Variants in DMD observed in about 807,000 individuals in gnomAD.
DMD encodes mutant dystrophin.
DMD carries 63 observed loss-of-function variants against 330.1 expected under a neutral mutation model. That is an observed-to-expected ratio of 0.19 (90% CI 0.16 to 0.24). The LOEUF is 0.24. Ranked by LOEUF, DMD falls within the 10% of genes least tolerant of loss-of-function variation. The pLI is 1.00. For synonymous variants in DMD, 1,223 were observed against 959.8 expected (o/e 1.27, Z -5.07); for missense variants, 3,344 against 2,684.1 (o/e 1.25, Z -5.43).
chrX:33,278,510 T>C (rs967401400), intron 1 of DMD, among the ~76,000 whole-genome samples: 1 of 111,878 alleles, frequency 8.9e-6, no homozygotes, highest in Non-Finnish European at 1.9e-5. Context: ...AAGGATATGA[T>C]TTTTTTCTTT....
chrX:32,457,083 A>G (rs749483514), intron 25 of DMD, among the ~76,000 whole-genome samples: 23 of 108,935 alleles, frequency 2.1e-4, no homozygotes, highest in African/African-American at 7.3e-4. Context: ...GAGTCCACAG[A>G]CTGAGCCCTG....
intron 15 of DMD, among the ~76,000 whole-genome samples, chrX:32,566,934 G>A (rs770022818): frequency 1.9e-4 from 21 of 111,830 alleles, no homozygotes; most frequent in Middle Eastern, 4.6e-3. Context: ...AAACTAAATC[G>A]CGATACCTGT....
chrX:31,659,393 C>T (rs933469265), intron 53 of DMD, among the ~76,000 whole-genome samples: 27 of 110,582 alleles, frequency 2.4e-4, no homozygotes, highest in African/African-American at 8.9e-4. Context: ...GTAATCCCAG[C>T]ACTTAGGGAG....
intron 37 of DMD, among the ~76,000 whole-genome samples, chrX:32,360,800 A>AAAATAATAATAATAAT (rs2097829882): frequency 1.0e-5 from 1 of 95,951 alleles, no homozygotes; most frequent in African/African-American, 3.9e-5. Context: ...CACACACACA[A>AAAATAATAATAATAAT]AATAATAATA....
chrX:32,427,265 C>A (rs916193814), intron 29 of DMD, among the ~76,000 whole-genome samples: 1 of 111,091 alleles, frequency 9.0e-6, no homozygotes, highest in Non-Finnish European at 1.9e-5. Flanking sequence ...TGTTGGGTAG[C>A]TTTGATAGGA....
intron 7 of DMD, among the ~76,000 whole-genome samples, chrX:32,774,398 A>G (rs780139182): frequency 2.4e-4 from 27 of 111,867 alleles, no homozygotes; most frequent in Admixed American, 1.7e-3. Flanking sequence ...CTTTCTAGGT[A>G]GTTCTATCAC....
At chrX:31,356,187 G>A (rs1400213165) in intron 60 of DMD, among the ~76,000 whole-genome samples, 1 of 111,739 alleles carries the variant, frequency 8.9e-6, no homozygotes, top group African/African-American at 3.3e-5. Flanking sequence ...CTCTGAGTAG[G>A]AGCATAATTC....
At chrX:32,496,414 T>A (rs1482170363) in intron 19 of DMD, among the ~76,000 whole-genome samples, 2 of 112,079 alleles carry the variant, frequency 1.8e-5, no homozygotes, top group Admixed American at 1.9e-4. Flanking sequence ...AGGCTAAATT[T>A]TAGAGGTTTC....
In DMD at chrX:32,837,783, G is replaced by A. The variant is rs549785623; in HGVS notation, c.264+7000C>T. Among the ~76,000 whole-genome samples, 47 of 112,001 alleles carry A rather than the reference G, an allele frequency of 4.2e-4. No individual in the cohort carries two copies. The South Asian group carries it at 0.016, about 39-fold the overall frequency. ...TTTTGCCCTATGAAAGACACCATGT[G>A]GATCTACTGAGCTCTGGCCATTCCA... On this transcript the variant is annotated intron_variant, in intron 4 of 78. Transcript: ENST00000357033.
At chrX:32,730,028 C>A (rs1014381809) in intron 7 of DMD, among the ~76,000 whole-genome samples, 4 of 111,753 alleles carry the variant, frequency 3.6e-5, no homozygotes, top group African/African-American at 9.8e-5. Context: ...GTGTTCAGAT[C>A]CCCACTGTTA....
chrX:31,891,951 T>C (rs2094259274), intron 47 of DMD, among the ~76,000 whole-genome samples: 1 of 111,919 alleles, frequency 8.9e-6, no homozygotes, highest in Non-Finnish European at 1.9e-5. Context: ...AATTGGAAAA[T>C]GGACAAGACA....
intron 1 of DMD, among the ~76,000 whole-genome samples, chrX:33,155,881 C>T (rs959397283): frequency 1.8e-5 from 2 of 110,614 alleles, no homozygotes; most frequent in Non-Finnish European, 3.8e-5. Flanking sequence ...GTGAGCAGAT[C>T]GCGCCACCAC....
intron 60 of DMD, among the ~76,000 whole-genome samples, chrX:31,387,364 G>A (rs1385203109): frequency 1.8e-5 from 2 of 111,340 alleles, no homozygotes; most frequent in African/African-American, 3.3e-5. Context: ...TCTAGTAAGG[G>A]TGTTAGACTA....
intron 11 of DMD, among the ~76,000 whole-genome samples, chrX:32,633,281 C>A (rs940708707): frequency 1.8e-5 from 2 of 111,591 alleles, no homozygotes; most frequent in Non-Finnish European, 3.8e-5. Flanking sequence ...CAAACTTTCA[C>A]AGATATCTAG....
chrX:31,466,065 T>C (rs2066835796), intron 59 of DMD, among the ~76,000 whole-genome samples: 1 of 112,491 alleles, frequency 8.9e-6, no homozygotes, highest in Admixed American at 9.4e-5. Context: ...TCCTTGTAGA[T>C]TCTGGATATC....
chrX:31,388,246 ACCCGC>A (rs2060541703), intron 60 of DMD, among the ~76,000 whole-genome samples: 1 of 108,728 alleles, frequency 9.2e-6, no homozygotes, highest in South Asian at 4.1e-4. Flanking sequence ...CTCGTGATCC[ACCCGC>A]CTTGGCCTCC....
chrX:32,461,103 C>G (rs182464909), intron 25 of DMD, among the ~76,000 whole-genome samples: 1 of 111,600 alleles, frequency 9.0e-6, no homozygotes, highest in African/African-American at 3.3e-5. Flanking sequence ...GATATTTGGA[C>G]AATTTTGTTT....
chrX:32,890,449 AG>A (rs1443042752), intron 2 of DMD, among the ~76,000 whole-genome samples: 1 of 83,953 alleles, frequency 1.2e-5, no homozygotes, highest in Non-Finnish European at 2.3e-5. Context: ...GGGGTGGGGG[AG>A]GGGGACTCAT....
At chrX:33,323,973 T>C (rs1345071072) in intron 1 of DMD, among the ~76,000 whole-genome samples, 1 of 111,763 alleles carries the variant, frequency 8.9e-6, no homozygotes, top group Non-Finnish European at 1.9e-5. Flanking sequence ...AATTGGTGTG[T>C]CACTTCTGAC....
Sources: gnomAD v4.1 joint callset for allele counts (sites outside exome capture counted in the v4.1 genomes callset) on GRCh38, gnomAD v4.1.1 for gene constraint, MANE v1.5 for transcripts, NCBI Gene and HGNC (gene_info 2026-07-23, HGNC 2026-07-21) for gene names.